CDH13: variants seen among roughly 807,000 people sequenced by gnomAD.
The protein encoded by CDH13 is cadherin-13.
A neutral mutation model predicts 63.8 loss-of-function variants in CDH13; 24 were observed. That is an observed-to-expected ratio of 0.38 (90% CI 0.27 to 0.53). The LOEUF (loss-of-function observed/expected upper bound fraction) is 0.53, where lower values mean the gene tolerates loss of function less well. Ranked by LOEUF, CDH13 falls within the 20% of genes least tolerant of loss-of-function variation. The pLI is 0.85. For missense variants in CDH13, 1,049 were observed against 903.1 expected (o/e 1.16, Z -2.07); for synonymous variants, 503 against 355.3 (o/e 1.42, Z -4.67).
At chr16:82,769,780 G>A (rs1024899205) in intron 1 of CDH13, among the ~76,000 whole-genome samples, 3 of 152,180 alleles carry the variant, frequency 2.0e-5, no homozygotes, top group East Asian at 1.9e-4. Flanking sequence ...CTTTTCTAAT[G>A]CATCAGCAAG....
intron 7 of CDH13, among the ~76,000 whole-genome samples, chr16:83,553,214 A>C (rs942985289): frequency 3.3e-5 from 5 of 152,230 alleles, no homozygotes; most frequent in Admixed American, 6.5e-5. Context: ...CTAACATTCC[A>C]AGAGTTAAAA....
chr16:82,679,043 A>C (rs1365831778), intron 1 of CDH13, among the ~76,000 whole-genome samples: 1 of 152,150 alleles, frequency 6.6e-6, no homozygotes, highest in Non-Finnish European at 1.5e-5. Flanking sequence ...TCCTCCCAAG[A>C]CAGCTATAGA....
intron 3 of CDH13, among the ~76,000 whole-genome samples, chr16:83,124,619 C>G (rs1236297348): frequency 1.3e-5 from 2 of 149,368 alleles, no homozygotes. Flanking sequence ...CCTAGGGTTT[C>G]TTCTAGAATT....
chr16:83,291,864 A>G (rs886950034), intron 5 of CDH13, among the ~76,000 whole-genome samples: 9 of 152,160 alleles, frequency 5.9e-5, no homozygotes, highest in Non-Finnish European at 1.2e-4. Flanking sequence ...AGTGTGTTCT[A>G]TGATTCTTTT....
At chr16:83,634,115 T>TTGTGTGTG (rs1454869281) in intron 8 of CDH13, among the ~76,000 whole-genome samples, 2 of 135,790 alleles carry the variant, frequency 1.5e-5, no homozygotes, top group East Asian at 2.1e-4. Context: ...TTTGTGTGTT[T>TTGTGTGTG]TCTGTGTGTG....
At chr16:83,487,094 C>T (rs1442664435) in intron 7 of CDH13, among the ~76,000 whole-genome samples, 1 of 152,118 alleles carries the variant, frequency 6.6e-6, no homozygotes, top group Non-Finnish European at 1.5e-5. Context: ...CCCTTTGCTG[C>T]AGGCATCCTG....
intron 7 of CDH13, among the ~76,000 whole-genome samples, chr16:83,530,729 A>C (rs1046974447): frequency 2.0e-5 from 3 of 152,242 alleles, no homozygotes; most frequent in Non-Finnish European, 4.4e-5. Flanking sequence ...ACAGAGGGAC[A>C]GTGACTTTCC....
At chr16:83,612,141 C>A (rs1908914535) in intron 8 of CDH13, among the ~76,000 whole-genome samples, 1 of 151,998 alleles carries the variant, frequency 6.6e-6, no homozygotes, top group Admixed American at 6.6e-5. Context: ...CTATCTATTT[C>A]TCCTGTTGGT....
intron 8 of CDH13, among the ~76,000 whole-genome samples, chr16:83,614,941 A>T (rs916839378): frequency 8.5e-5 from 13 of 152,206 alleles, no homozygotes; most frequent in Non-Finnish European, 1.8e-4. Context: ...GATATCGATA[A>T]GCAAGAAGGG....
At chr16:83,237,977 G>A (rs1417092878) in intron 5 of CDH13, among the ~76,000 whole-genome samples, 1 of 152,176 alleles carries the variant, frequency 6.6e-6, no homozygotes, top group African/African-American at 2.4e-5. Flanking sequence ...AAGGCAGAGG[G>A]CTAGGAATTT....
intron 1 of CDH13, among the ~76,000 whole-genome samples, chr16:82,723,884 T>A (rs1336218192): frequency 3.9e-5 from 6 of 152,208 alleles, no homozygotes; most frequent in Non-Finnish European, 8.8e-5. Flanking sequence ...GAGTTTTCAG[T>A]CTTACCTGTT....
chr16:83,321,803 C>G (rs145216027), intron 5 of CDH13, among the ~76,000 whole-genome samples: 5 of 152,214 alleles, frequency 3.3e-5, no homozygotes, highest in African/African-American at 1.2e-4. Flanking sequence ...GCTGGGATTA[C>G]AGGCGTGAGC....
chr16:82,760,888 C>A (rs1346736632), intron 1 of CDH13, among the ~76,000 whole-genome samples: 3 of 151,818 alleles, frequency 2.0e-5, no homozygotes, highest in Non-Finnish European at 4.4e-5. Flanking sequence ...CTTGCAGTAA[C>A]TAATAGAGGG....
At chr16:82,877,382 T>G (rs1401274224) in intron 2 of CDH13, among the ~76,000 whole-genome samples, 3 of 152,206 alleles carry the variant, frequency 2.0e-5, no homozygotes, top group Non-Finnish European at 4.4e-5. Flanking sequence ...GCCTTATGTT[T>G]CGTGGACAAA....
chr16:82,926,079 A>G (rs1362730424), intron 2 of CDH13: 8 of 152,358 alleles, frequency 5.3e-5, no homozygotes, highest in African/African-American at 1.7e-4. Context: ...TAGTCTGTGC[A>G]GCTTTATCTT....
At chr16:83,470,865 A>C (rs1327555316) in intron 6 of CDH13, among the ~76,000 whole-genome samples, 1 of 152,194 alleles carries the variant, frequency 6.6e-6, no homozygotes, top group Non-Finnish European at 1.5e-5. Context: ...CTTGGGTCAG[A>C]AGTCCAAAAT....
chr16:83,323,205 T>G (rs976889089), intron 5 of CDH13, among the ~76,000 whole-genome samples: 2 of 147,948 alleles, frequency 1.4e-5, no homozygotes, highest in African/African-American at 5.0e-5. Context: ...TTTCTTTCTT[T>G]CTTTCTTTCT....
intron 6 of CDH13, among the ~76,000 whole-genome samples, chr16:83,448,753 T>G (rs1304693601): frequency 6.6e-5 from 10 of 152,106 alleles, no homozygotes; most frequent in Admixed American, 1.3e-4. Context: ...GAAGGTGAAC[T>G]TCAGTGGTGG....
intron 8 of CDH13, among the ~76,000 whole-genome samples, chr16:83,626,646 GC>G (rs1318914136): frequency 6.6e-6 from 1 of 151,832 alleles, no homozygotes; most frequent in East Asian, 1.9e-4. Context: ...GTTGTCCTCT[GC>G]CCCCAAGGCT....
Sources: gnomAD v4.1 joint callset for allele counts (sites outside exome capture counted in the v4.1 genomes callset) on GRCh38, gnomAD v4.1.1 for gene constraint, MANE v1.5 for transcripts, NCBI Gene and HGNC (gene_info 2026-07-23, HGNC 2026-07-21) for gene names.